The following OSBPL8 variants were observed in gnomAD, a reference collection of about 807,000 sequenced individuals.
OSBPL8 encodes oxysterol-binding protein-related protein 8.
OSBPL8 carries 59 observed loss-of-function variants against 125.5 expected under a neutral mutation model. The ratio of observed to expected loss-of-function variants is 0.47; its 90% CI spans 0.38 to 0.58. The LOEUF is 0.58. Among genes scored for constraint, OSBPL8 ranks in the 20% least tolerant of loss-of-function variants. The probability of loss-of-function intolerance (pLI) is 0.00; values close to 1 mark genes in which losing one functional copy is unlikely to be tolerated. For missense variants in OSBPL8, 758 were observed against 1,047.8 expected (o/e 0.72, Z 3.82); for synonymous variants, 330 against 338.9 (o/e 0.97, Z 0.29).
At chr12:76,555,705 C>T (rs1306512225) in intron 1 of OSBPL8, among the ~76,000 whole-genome samples, 3 of 152,000 alleles carry the variant, frequency 2.0e-5, no homozygotes, top group South Asian at 2.1e-4. Flanking sequence ...AGTGATTGGC[C>T]GATGGAAACG....
At chr12:76,413,273 C>T (rs151028354) in intron 4 of OSBPL8, among the ~76,000 whole-genome samples, 54 of 152,222 alleles carry the variant, frequency 3.5e-4, no homozygotes, top group African/African-American at 1.2e-3. Flanking sequence ...AATCACAATC[C>T]ACCCTTTGTC....
At chr12:76,454,800 T>G (rs1873827065) in intron 3 of OSBPL8, among the ~76,000 whole-genome samples, 1 of 151,096 alleles carries the variant, frequency 6.6e-6, no homozygotes, top group Non-Finnish European at 1.5e-5. Context: ...CACCATTCTT[T>G]TAAAATTGAA....
chr12:76,557,597 G>C (rs1022633212), intron 1 of OSBPL8, among the ~76,000 whole-genome samples: 1 of 134,664 alleles, frequency 7.4e-6, no homozygotes, highest in African/African-American at 2.9e-5. Context: ...CTGGGATACA[G>C]AGTGAGACAG....
chr12:76,518,910 G>T (rs989634517), intron 1 of OSBPL8, among the ~76,000 whole-genome samples: 1 of 152,202 alleles, frequency 6.6e-6, no homozygotes, highest in African/African-American at 2.4e-5. Context: ...GATGGGAGAG[G>T]CTGCTTCTAA....
chr12:76,396,714 ACTGCAGTCCAGCCT>A (rs1953821146), intron 8 of OSBPL8, among the ~76,000 whole-genome samples: 1 of 152,198 alleles, frequency 6.6e-6, no homozygotes, highest in African/African-American at 2.4e-5. Flanking sequence ...TGATCATGCC[ACTGCAGTCCAGCCT>A]AGGTGACAGT....
At position 76,356,016 on chromosome 12, in the gene OSBPL8, A is replaced by G; in HGVS notation, c.2543T>C (p.Ile848Thr). ...AACTAAATGATTTCGAAGAGCCATA[A>G]TATTTCTATAAAAATAAGCAACAAC... ...KQTQEEIKRNIMALRNHLVSS... is the reference protein window; with the variant it reads ...KQTQEEIKRNTMALRNHLVSS... Residue 848 changes from isoleucine to threonine, a missense_variant, in exon 24 of 24, where the codon ATT (isoleucine) becomes ACT (threonine). Coordinates refer to ENST00000261183, the MANE Select transcript of OSBPL8 (RefSeq NM_020841.5). 1.9e-6 allele frequency: 3 copies of G among 1,605,330 alleles called. No homozygotes were observed. Among genetic ancestry groups the G allele is most frequent in the Non-Finnish European group, 2.5e-6 (3 of 1,177,640 alleles).
chr12:76,421,744 G>A (rs548041739), intron 4 of OSBPL8, among the ~76,000 whole-genome samples: 1 of 151,786 alleles, frequency 6.6e-6, no homozygotes. Flanking sequence ...TAATTATATA[G>A]TGTTTAAAAA....
At chr12:76,399,765 C>A (rs1953971727) in intron 7 of OSBPL8, 108 bp downstream of exon 7, 1 of 686,768 alleles carries the variant, frequency 1.5e-6, no homozygotes, top group South Asian at 2.8e-5. Context: ...GAAAAACAAT[C>A]ATTTTAGGAG....
intron 2 of OSBPL8, among the ~76,000 whole-genome samples, chr12:76,461,144 T>G (rs929776536): frequency 9.2e-5 from 14 of 152,188 alleles, no homozygotes; most frequent in Non-Finnish European, 1.9e-4. Context: ...AGCCTCTGCC[T>G]CCCAAAATGC....
At chr12:76,478,535 A>G (rs1877083286) in intron 2 of OSBPL8, among the ~76,000 whole-genome samples, 1 of 152,098 alleles carries the variant, frequency 6.6e-6, no homozygotes. Flanking sequence ...CGCTTTCTCC[A>G]ATGAGGCTCC....
intron 2 of OSBPL8, among the ~76,000 whole-genome samples, chr12:76,475,349 AT>A (rs1876675569): frequency 1.3e-5 from 2 of 152,228 alleles, no homozygotes; most frequent in African/African-American, 4.8e-5. Context: ...GAAGGAAATA[AT>A]AAGTATTTAA....
intron 1 of OSBPL8, among the ~76,000 whole-genome samples, chr12:76,544,691 C>T (rs1950736358): frequency 1.3e-5 from 2 of 151,820 alleles, no homozygotes; most frequent in Non-Finnish European, 2.9e-5. Context: ...GAATAAGATC[C>T]GATGGTCTAA....
chr12:76,409,966 T>C lies in OSBPL8; in HGVS notation c.288+598A>G, dbSNP rs563594101. On this transcript the variant is annotated intron_variant, in intron 5 of 23. Transcript: ENST00000261183. ...CCAAAAGTTGAATTCCTTCACAAATTATAGAAAATCTAGTGAACTAAAAAC... is the reference window on the plus strand; with the variant it reads ...CCAAAAGTTGAATTCCTTCACAAATCATAGAAAATCTAGTGAACTAAAAAC... Among the ~76,000 whole-genome samples, 10 of 152,250 alleles carry C rather than the reference T, an allele frequency of 6.6e-5. No individual in the cohort carries two copies. In the South Asian group the frequency reaches 2.1e-3, roughly 32 times the overall value.
At chr12:76,377,547 G>A (rs1030002875) in intron 16 of OSBPL8, among the ~76,000 whole-genome samples, 2 of 152,020 alleles carry the variant, frequency 1.3e-5, no homozygotes, top group Admixed American at 6.6e-5. Context: ...TTTTTTTCAT[G>A]TTGGTCACAT....
chr12:76,532,153 T>C (rs569115504), intron 1 of OSBPL8, among the ~76,000 whole-genome samples: 16 of 151,696 alleles, frequency 1.1e-4, no homozygotes, highest in Non-Finnish European at 2.2e-4. Context: ...TGAGGCACTA[T>C]ATTCTCTAAG....
chr12:76,518,649 T>A (rs1405561406), intron 1 of OSBPL8, among the ~76,000 whole-genome samples: 1 of 152,174 alleles, frequency 6.6e-6, no homozygotes, highest in Non-Finnish European at 1.5e-5. Flanking sequence ...TTCTCATACA[T>A]CCTCTAAAAT....
intron 2 of OSBPL8, among the ~76,000 whole-genome samples, chr12:76,463,781 G>GT (rs1875035762): frequency 6.6e-6 from 1 of 152,192 alleles, no homozygotes; most frequent in Admixed American, 6.5e-5. Flanking sequence ...AGAGTTGCTT[G>GT]TAAGTGATGC....
intron 21 of OSBPL8, among the ~76,000 whole-genome samples, chr12:76,367,166 T>C (rs895425334): frequency 1.3e-5 from 2 of 152,132 alleles, no homozygotes; most frequent in African/African-American, 2.4e-5. Context: ...TCTATTGTTA[T>C]AGAGCTGTTT....
At chr12:76,369,143 A>AAAT (rs10656017) in intron 21 of OSBPL8, 71 bp downstream of exon 21, 1,150,053 of 1,521,454 alleles carry the variant, frequency 0.76, 437,811 homozygotes, top group East Asian at 0.92. Context: ...ACCAAATTTT[A>AAAT]GTTGGTTGCT....
Sources: allele counts gnomAD v4.1 joint callset (sites outside exome capture counted in the v4.1 genomes callset), GRCh38; gene constraint gnomAD v4.1.1; transcripts MANE v1.5; gene names NCBI Gene and HGNC (gene_info 2026-07-23, HGNC 2026-07-21).